Variants in CFAP299 observed in about 807,000 individuals in gnomAD.
CFAP299 encodes cilia and flagella associated protein 299.
In CFAP299, 21 loss-of-function variants were observed where a neutral mutation model predicts 27.0. That is an observed-to-expected ratio of 0.78 (90% CI 0.55 to 1.12). CFAP299 has a LOEUF of 1.12. Ranked by LOEUF, CFAP299 falls within the 50% of genes most tolerant of loss-of-function variation. CFAP299 has a pLI of 0.00. For missense variants in CFAP299, 310 were observed against 276.6 expected, an observed-to-expected ratio of 1.12 and a Z score of -0.86; for synonymous variants, 104 against 98.1, an observed-to-expected ratio of 1.06 and a Z score of -0.36.
Position 80,908,703 on chromosome 4 carries a change from A to G in CFAP299, c.477-36107A>G, listed in dbSNP as rs1255207473. Among the ~76,000 whole-genome samples the G allele has an allele frequency of 2.0e-5, 3 of 152,208 alleles. No individual in the cohort carries two copies. In the East Asian group the frequency reaches 5.8e-4, roughly 29 times the overall value. On this transcript the variant is annotated intron_variant, in intron 4 of 5. Coordinates refer to ENST00000358105, the MANE Select transcript of CFAP299 (RefSeq NM_152770.3). ...TTATTGGTGAACCACACCTCAGGTA[A>G]TACTGCTAAGTTCATTCAATTGTTA...
At chr4:80,634,915 C>G (rs898281651) in intron 3 of CFAP299, among the ~76,000 whole-genome samples, 2 of 151,862 alleles carry the variant, frequency 1.3e-5, no homozygotes, top group Admixed American at 6.6e-5. Context: ...ATGTGGAATA[C>G]CCTTTGTCTA....
chr4:80,767,345 C>T (rs1267250829), intron 3 of CFAP299, among the ~76,000 whole-genome samples: 6 of 152,168 alleles, frequency 3.9e-5, no homozygotes, highest in Admixed American at 2.0e-4. Context: ...CACGGTGGCT[C>T]ACGCCTGTAA....
Position 80,740,566 on chromosome 4 carries a change from A to T in CFAP299, c.334-129427A>T, listed in dbSNP as rs138705199. On this transcript the variant is annotated intron_variant, in intron 3 of 5. Transcript: ENST00000358105. ...CACCACTGGGACTGCACTGGGTCAG[A>T]CATGAAGTCAGATGAATACTGGGCC... 8.5e-4 allele frequency among the ~76,000 whole-genome samples: 130 copies of T among 152,308 alleles called. 2 individuals are homozygous for T. The highest frequency in any genetic ancestry group is 3.4e-3 in the Middle Eastern group (1 of 294).
At chr4:80,825,051 T>C (rs1360361258) in intron 3 of CFAP299, among the ~76,000 whole-genome samples, 1 of 151,856 alleles carries the variant, frequency 6.6e-6, no homozygotes, top group Non-Finnish European at 1.5e-5. Context: ...TAAAAATGTA[T>C]ATATCAACAA....
At chr4:80,394,666 A>C (rs573849021) in intron 2 of CFAP299, among the ~76,000 whole-genome samples, 1 of 152,230 alleles carries the variant, frequency 6.6e-6, no homozygotes, top group South Asian at 2.1e-4. Context: ...TCCAAACAAC[A>C]TTTTTTGAAG....
chr4:80,865,075 A>G (rs72865143), intron 3 of CFAP299, among the ~76,000 whole-genome samples: 1,644 of 152,234 alleles, frequency 0.011, 25 homozygotes, highest in African/African-American at 0.037. Context: ...CTCTCTAGCT[A>G]CATATCCTTG....
At chr4:80,796,780 C>T (rs1053528931) in intron 3 of CFAP299, among the ~76,000 whole-genome samples, 12 of 152,170 alleles carry the variant, frequency 7.9e-5, no homozygotes, top group African/African-American at 2.9e-4. Context: ...GTAATCCCTC[C>T]AGGGATGTGA....
At chr4:80,347,512 G>A (rs1722793734) in intron 1 of CFAP299, among the ~76,000 whole-genome samples, 1 of 152,152 alleles carries the variant, frequency 6.6e-6, no homozygotes, top group South Asian at 2.1e-4. Flanking sequence ...GCCGAATCAT[G>A]TATGAACTCT....
chr4:80,421,083 T>C (rs139817250), intron 2 of CFAP299, among the ~76,000 whole-genome samples: 1 of 152,314 alleles, frequency 6.6e-6, no homozygotes, highest in East Asian at 1.9e-4. Context: ...TCTCCTCATA[T>C]ATAATCCTAT....
At chr4:80,602,434 T>C (rs969477835) in intron 3 of CFAP299, among the ~76,000 whole-genome samples, 2 of 152,116 alleles carry the variant, frequency 1.3e-5, no homozygotes, top group East Asian at 3.8e-4. Context: ...GTCCAAAATA[T>C]GTATAATGGA....
At chr4:80,772,331 T>C (rs1219661500) in intron 3 of CFAP299, among the ~76,000 whole-genome samples, 1 of 152,112 alleles carries the variant, frequency 6.6e-6, no homozygotes, top group African/African-American at 2.4e-5. Context: ...CTTATCACTT[T>C]ATGGGCTACG....
rs149506496 is a variant in CFAP299, at chr4:80,750,985, G to A, written c.334-119008G>A. ...ATGCTCCTTTAGCTCAGTGAATTTC[G>A]TTATTACCCACCTTCTGAAACCTAC... On this transcript the variant is annotated intron_variant, in intron 3 of 5. Transcript: ENST00000358105. 3.9e-3 allele frequency among the ~76,000 whole-genome samples: 590 copies of A among 152,196 alleles called. 1 individual carries two copies. Among genetic ancestry groups the A allele is most frequent in the African/African-American group, 0.013 (550 of 41,542 alleles).
At chr4:80,835,555 C>A (rs1188092483) in intron 3 of CFAP299, among the ~76,000 whole-genome samples, 1 of 151,336 alleles carries the variant, frequency 6.6e-6, no homozygotes, top group African/African-American at 2.4e-5. Context: ...CCAATGATAT[C>A]AGGTTCTAAT....
intron 3 of CFAP299, among the ~76,000 whole-genome samples, chr4:80,796,797 T>C (rs1727890193): frequency 1.3e-5 from 2 of 152,160 alleles, no homozygotes; most frequent in African/African-American, 4.8e-5. Context: ...GTGATATTGT[T>C]TTTGATTTAC....
chr4:80,897,995 G>A (rs953038298), intron 4 of CFAP299, among the ~76,000 whole-genome samples: 4 of 152,120 alleles, frequency 2.6e-5, no homozygotes, highest in South Asian at 2.1e-4. Flanking sequence ...TTTGGGCACT[G>A]GCAGGAGCAA....
intron 3 of CFAP299, among the ~76,000 whole-genome samples, chr4:80,791,404 GT>G (rs554583480): frequency 8.9e-4 from 136 of 152,158 alleles, no homozygotes; most frequent in African/African-American, 3.1e-3. Context: ...ATTCTGAAGA[GT>G]TGTAGTGAAG....
chr4:80,695,166 T>C (rs901077707), intron 3 of CFAP299, among the ~76,000 whole-genome samples: 1 of 152,206 alleles, frequency 6.6e-6, no homozygotes, highest in Non-Finnish European at 1.5e-5. Flanking sequence ...TAAGTCCACA[T>C]CTCATCCTTC....
intron 3 of CFAP299, among the ~76,000 whole-genome samples, chr4:80,614,449 A>G (rs1738167668): frequency 6.6e-6 from 1 of 152,184 alleles, no homozygotes; most frequent in Admixed American, 6.5e-5. Flanking sequence ...CTCTTGATCT[A>G]ATAGGCATCA....
intron 3 of CFAP299, among the ~76,000 whole-genome samples, chr4:80,687,548 C>T (rs1295499343): frequency 2.0e-5 from 3 of 152,136 alleles, no homozygotes; most frequent in Admixed American, 6.5e-5. Context: ...GTATCCAACA[C>T]TGAAAAAGCA....
Sources: allele counts gnomAD v4.1 joint callset (sites outside exome capture counted in the v4.1 genomes callset), GRCh38; gene constraint gnomAD v4.1.1; transcripts MANE v1.5; gene names NCBI Gene and HGNC (gene_info 2026-07-23, HGNC 2026-07-21).